DPP10: variants seen among roughly 807,000 people sequenced by gnomAD.
The protein encoded by DPP10 is dipeptidyl peptidase like 10.
DPP10 carries 33 observed loss-of-function variants against 120.9 expected under a neutral mutation model. The ratio of observed to expected loss-of-function variants is 0.27; its 90% confidence interval spans 0.21 to 0.37. The LOEUF (loss-of-function observed/expected upper bound fraction) is 0.37. DPP10 is among the 10% of genes least tolerant of loss of function. DPP10 has a pLI of 1.00. For missense variants in DPP10, 816 were observed against 942.8 expected, an observed-to-expected ratio of 0.87 and a Z score of 1.76; for synonymous variants, 337 against 326.1, an observed-to-expected ratio of 1.03 and a Z score of -0.36.
chr2:115,105,201 A>G (rs1206060719), intron 1 of DPP10, among the ~76,000 whole-genome samples: 9 of 152,006 alleles, frequency 5.9e-5, no homozygotes, highest in Admixed American at 5.9e-4. Flanking sequence ...TTTCTCTGAG[A>G]TGATTATGTC....
chr2:114,822,197 C>A (rs767502175), intron 1 of DPP10, among the ~76,000 whole-genome samples: 1 of 152,180 alleles, frequency 6.6e-6, no homozygotes, highest in Non-Finnish European at 1.5e-5. Context: ...GAAATCTAGG[C>A]GGAGGTTCCC....
chr2:114,656,469 T>A (rs569976322), intron 1 of DPP10, among the ~76,000 whole-genome samples: 1 of 152,162 alleles, frequency 6.6e-6, no homozygotes, highest in Non-Finnish European at 1.5e-5. Context: ...TTATCACTGA[T>A]ATTATAGAAG....
In DPP10 at chr2:115,785,541, A is replaced by G. The variant is rs556787293; in HGVS notation, c.1531+3142A>G. On this transcript the variant is annotated intron_variant, in intron 17 of 25. Transcript: ENST00000410059. ...CATTATCGGTCTGTTCAGGGTTTCA[A>G]TTTCTCCCTGGTCCACTCTTGAAAG... Among the ~76,000 whole-genome samples the G allele has an allele frequency of 7.9e-5, 12 of 151,570 alleles. No homozygotes were observed. In the East Asian group the frequency reaches 1.9e-3, roughly 24 times the overall value.
At position 115,387,723 on chromosome 2, in the gene DPP10, C is replaced by T. The variant is rs1574669757; in HGVS notation, c.271+43811C>T. On this transcript the variant is annotated intron_variant, in intron 3 of 25. Coordinates refer to ENST00000410059, the MANE Select transcript of DPP10 (RefSeq NM_020868.6). ...AGATTTAGGAGTCATAGCCATGTTT[C>T]ACTTGGTTATTGTGCTTTTATAGGT... Among the ~76,000 whole-genome samples the T allele has an allele frequency of 2.6e-5, 4 of 152,162 alleles. No individual in the cohort carries two copies. The East Asian group carries it at 5.8e-4, about 22-fold the overall frequency.
intron 1 of DPP10, among the ~76,000 whole-genome samples, chr2:115,018,100 T>A (rs1282858243): frequency 6.6e-6 from 1 of 150,784 alleles, no homozygotes; most frequent in Non-Finnish European, 1.5e-5. Flanking sequence ...CCAACAAACA[T>A]GAAAAAAAGC....
chr2:115,618,843 T>G (rs1040746267), intron 5 of DPP10, among the ~76,000 whole-genome samples: 2 of 151,996 alleles, frequency 1.3e-5, no homozygotes, highest in African/African-American at 4.8e-5. Context: ...ACAATTATTT[T>G]CCTCTTGATC....
intron 1 of DPP10, among the ~76,000 whole-genome samples, chr2:115,303,672 CTTGTA>C (rs1305047413): frequency 6.6e-6 from 1 of 151,076 alleles, no homozygotes; most frequent in African/African-American, 2.4e-5. Context: ...TTTTTTTAAC[CTTGTA>C]TTGTATTATT....
At chr2:115,655,091 G>C (rs1034846190) in intron 5 of DPP10, among the ~76,000 whole-genome samples, 1 of 151,594 alleles carries the variant, frequency 6.6e-6, no homozygotes, top group African/African-American at 2.4e-5. Flanking sequence ...TTCACCCTTT[G>C]ATTGTTATAT....
intron 1 of DPP10, among the ~76,000 whole-genome samples, chr2:114,923,687 C>T (rs901672741): frequency 2.0e-5 from 3 of 146,686 alleles, no homozygotes; most frequent in Admixed American, 6.8e-5. Flanking sequence ...ACTGTGGTCT[C>T]GATCTCCTGA....
At chr2:115,407,083 C>T (rs980801428) in intron 3 of DPP10, among the ~76,000 whole-genome samples, 7 of 152,160 alleles carry the variant, frequency 4.6e-5, no homozygotes, top group South Asian at 4.1e-4. Context: ...CCTCACAGAT[C>T]GAATCCCAGG....
chr2:115,432,833 G>A (rs962922109), intron 3 of DPP10, among the ~76,000 whole-genome samples: 1 of 151,874 alleles, frequency 6.6e-6, no homozygotes, highest in Non-Finnish European at 1.5e-5. Context: ...GCTGCTGAAC[G>A]TCTTCTATGC....
intron 1 of DPP10, among the ~76,000 whole-genome samples, chr2:115,068,923 T>C (rs1448311491): frequency 3.3e-5 from 5 of 152,186 alleles, no homozygotes; most frequent in Non-Finnish European, 7.4e-5. Flanking sequence ...TTGGGCTGTA[T>C]GTCTATTTTT....
intron 1 of DPP10, among the ~76,000 whole-genome samples, chr2:114,493,570 T>C (rs1160757737): frequency 2.0e-5 from 3 of 151,792 alleles, no homozygotes; most frequent in Non-Finnish European, 4.4e-5. Context: ...CGTGGTGAGG[T>C]TTATCAAAAT....
intron 1 of DPP10, among the ~76,000 whole-genome samples, chr2:114,705,644 C>T (rs1021191091): frequency 6.6e-6 from 1 of 151,864 alleles, no homozygotes; most frequent in Non-Finnish European, 1.5e-5. Flanking sequence ...AATACAAAGT[C>T]CTACAGTATC....
intron 1 of DPP10, among the ~76,000 whole-genome samples, chr2:115,254,436 G>A (rs1320491552): frequency 6.6e-6 from 1 of 152,094 alleles, no homozygotes; most frequent in Non-Finnish European, 1.5e-5. Context: ...GATTTGGGTG[G>A]GGATATAGCC....
At chr2:114,856,264 A>G (rs938268205) in intron 1 of DPP10, among the ~76,000 whole-genome samples, 3 of 152,198 alleles carry the variant, frequency 2.0e-5, no homozygotes, top group African/African-American at 7.2e-5. Context: ...ACCAAGTATT[A>G]GTGAAGATGC....
chr2:114,688,558 T>G (rs1699520684), intron 1 of DPP10, among the ~76,000 whole-genome samples: 1 of 151,932 alleles, frequency 6.6e-6, no homozygotes, highest in Non-Finnish European at 1.5e-5. Flanking sequence ...CACTTTTCCC[T>G]TCTATACTAA....
intron 5 of DPP10, among the ~76,000 whole-genome samples, chr2:115,608,408 C>T (rs2083854668): frequency 9.5e-6 from 1 of 105,720 alleles, no homozygotes; most frequent in Non-Finnish European, 1.9e-5. Context: ...ACAATAATAA[C>T]AATAACAACA....
At chr2:114,816,152 T>A (rs935106604) in intron 1 of DPP10, among the ~76,000 whole-genome samples, 1 of 152,206 alleles carries the variant, frequency 6.6e-6, no homozygotes, top group Non-Finnish European at 1.5e-5. Flanking sequence ...TGTGCGCCAG[T>A]CACGTTGGCC....
Sources: gnomAD v4.1 joint callset for allele counts (sites outside exome capture counted in the v4.1 genomes callset) on GRCh38, gnomAD v4.1.1 for gene constraint, MANE v1.5 for transcripts, NCBI Gene and HGNC (gene_info 2026-07-23, HGNC 2026-07-21) for gene names.